TRPM6: variants seen among roughly 807,000 people sequenced by gnomAD.
TRPM6 encodes the protein transient receptor potential cation channel subfamily M member 6.
TRPM6 carries 111 observed loss-of-function variants against 247.6 expected under a neutral mutation model. The observed-to-expected ratio is 0.45, with a 90% CI of 0.38 to 0.52. The LOEUF (loss-of-function observed/expected upper bound fraction) is 0.52, where lower values mean the gene tolerates loss of function less well. TRPM6 is among the 20% of genes least tolerant of loss of function. TRPM6 has a pLI of 0.00. For missense variants in TRPM6, 2,126 were observed against 2,421.5 expected, an observed-to-expected ratio of 0.88 and a Z score of 2.56; for synonymous variants, 892 against 853.8, an observed-to-expected ratio of 1.04 and a Z score of -0.78.
At chr9:74,828,635 T>C (rs967787170) in intron 6 of TRPM6, among the ~76,000 whole-genome samples, 2 of 150,832 alleles carry the variant, frequency 1.3e-5, no homozygotes, top group East Asian at 1.9e-4. Context: ...TTCTTTCTTT[T>C]TTTTTTTTTT....
chr9:74,817,444 G>C (rs1251011128), intron 9 of TRPM6, among the ~76,000 whole-genome samples: 1 of 152,152 alleles, frequency 6.6e-6, no homozygotes, highest in Admixed American at 6.5e-5. Context: ...TCCGGTCTCA[G>C]CCTCCCAAAG....
chr9:74,798,226 T>C (rs141679590), intron 17 of TRPM6, among the ~76,000 whole-genome samples: 1 of 152,200 alleles, frequency 6.6e-6, no homozygotes, highest in East Asian at 1.9e-4. Flanking sequence ...GCATTCATTA[T>C]TAAGTATGGT....
At chr9:74,725,453 A>G (rs997688637) in intron 38 of TRPM6, among the ~76,000 whole-genome samples, 1 of 152,150 alleles carries the variant, frequency 6.6e-6, no homozygotes, top group Non-Finnish European at 1.5e-5. Context: ...ACATTTATTG[A>G]ACATGTAAAT....
chr9:74,726,827 CT>C (rs1825345132), intron 38 of TRPM6, among the ~76,000 whole-genome samples: 1 of 152,192 alleles, frequency 6.6e-6, no homozygotes, highest in African/African-American at 2.4e-5. Flanking sequence ...GGGCCCTTAC[CT>C]GGAGGTCCTG....
intron 3 of TRPM6, among the ~76,000 whole-genome samples, chr9:74,849,777 A>T (rs1455616030): frequency 6.6e-6 from 1 of 152,236 alleles, no homozygotes; most frequent in Non-Finnish European, 1.5e-5. Flanking sequence ...GAGCAAAAGC[A>T]CTGGACCAGG....
rs117681688 is a variant in TRPM6 at position 74,839,577 on chromosome 9, C to A, written c.544+447G>T. Among the ~76,000 whole-genome samples the A allele has an allele frequency of 4.3e-4, 65 of 152,182 alleles. 1 individual carries two copies. In the South Asian group the frequency reaches 0.013, roughly 31 times the overall value. On this transcript the variant is annotated intron_variant, in intron 5 of 38. Transcript: ENST00000360774. ...CACACACTATGCACTTGCATGGATT[C>A]GATGTCCCTTCTAGCCTTGCTGTAG...
rs758269511 is a variant in TRPM6, at chr9:74,800,413, C to T, written c.2079G>A (p.Thr693=). 5 of 1,613,996 alleles carry T rather than the reference C, an allele frequency of 3.1e-6. No homozygotes were observed. Among genetic ancestry groups the T allele is most frequent in the Middle Eastern group, 1.6e-4 (1 of 6,062 alleles). The change falls in exon 17 of 39, where the codon ACG becomes ACA. Residue 693 remains threonine, a synonymous_variant. Coordinates refer to ENST00000360774, the MANE Select transcript of TRPM6 (RefSeq NM_017662.5). ...AFKQNERMAM[T]LLTYELRNWS... ...AGTTCCTGAGTTCATACGTCAACAG[C>T]GTCATGGCCATGCGCTCATTCTGCT... is the stretch of plus-strand genomic sequence containing the variant.
intron 38 of TRPM6, among the ~76,000 whole-genome samples, chr9:74,727,471 T>C (rs1017130399): frequency 6.6e-6 from 1 of 152,104 alleles, no homozygotes; most frequent in Non-Finnish European, 1.5e-5. Flanking sequence ...TGGTGCTCTT[T>C]TACTGACTTC....
In TRPM6 at chr9:74,782,409, G is replaced by A. The variant is rs1827495294; in HGVS notation, c.3162C>T (p.Leu1054=). The A allele has an allele frequency of 6.2e-7, 1 of 1,613,980 alleles. No individual in the cohort carries two copies. Among genetic ancestry groups the A allele is most frequent in the African/African-American group, 1.3e-5 (1 of 74,890 alleles). ...FLTPFLQAVY[L]FVQYIIMVNL... ...TCACCATGATGATATATTGCACGAA[G>A]AGGTAGACAGCTTGCAAGAATGGAG... The change falls in exon 23 of 39, where the codon CTC becomes CTT. Residue 1054 remains leucine (L), a synonymous_variant. Transcript: ENST00000360774.
intron 1 of TRPM6, among the ~76,000 whole-genome samples, chr9:74,876,122 C>T (rs1443127948): frequency 1.3e-5 from 2 of 152,118 alleles, no homozygotes; most frequent in East Asian, 3.9e-4. Context: ...TCGCTCTTGT[C>T]GCCCAGGCTG....
At chr9:74,768,768 G>A (rs571133329) in intron 25 of TRPM6, among the ~76,000 whole-genome samples, 64 of 152,192 alleles carry the variant, frequency 4.2e-4, no homozygotes, top group African/African-American at 1.5e-3. Context: ...AATGGTCTTC[G>A]TGGTTCTTAT....
intron 7 of TRPM6, among the ~76,000 whole-genome samples, chr9:74,823,606 A>C (rs1312289219): frequency 6.6e-6 from 1 of 152,182 alleles, no homozygotes; most frequent in Non-Finnish European, 1.5e-5. Context: ...AAGCATATCT[A>C]TGATGTACCA....
chr9:74,784,461 T>TA (rs1409715024), intron 21 of TRPM6, among the ~76,000 whole-genome samples: 1 of 152,160 alleles, frequency 6.6e-6, no homozygotes, highest in African/African-American at 2.4e-5. Flanking sequence ...CTAAAGTTGT[T>TA]ACTAAGATTA....
In TRPM6 at chr9:74,871,285, A is replaced by C. The variant is rs959096849; in HGVS notation, c.34-12537T>G. ...TCCCACCCCTGTTCCCCAGCCATCC[A>C]GTTTCCCTCTCAAAAGTTAACCTCT... is the stretch of plus-strand genomic sequence containing the variant. On this transcript the variant is annotated intron_variant, in intron 1 of 38. Coordinates refer to ENST00000360774, the MANE Select transcript of TRPM6 (RefSeq NM_017662.5). 2.6e-5 allele frequency among the ~76,000 whole-genome samples: 4 copies of C among 152,274 alleles called. No homozygotes were observed. The South Asian group carries it at 8.3e-4, about 32-fold the overall frequency.
chr9:74,767,860 T>C (rs112905625), intron 25 of TRPM6, among the ~76,000 whole-genome samples: 214 of 152,230 alleles, frequency 1.4e-3, no homozygotes, highest in South Asian at 3.5e-3. Context: ...CCTGTAGTCC[T>C]AGCTACTTGT....
At chr9:74,795,492 C>T (rs73532477) in intron 18 of TRPM6, among the ~76,000 whole-genome samples, 3,363 of 152,244 alleles carry the variant, frequency 0.022, 110 homozygotes, top group African/African-American at 0.076. Context: ...ATACCACTTG[C>T]GATGCTTTAC....
intron 8 of TRPM6, among the ~76,000 whole-genome samples, chr9:74,821,284 T>C (rs1203937862): frequency 1.3e-5 from 2 of 152,300 alleles, no homozygotes; most frequent in East Asian, 3.9e-4. Flanking sequence ...TCCCAATTTC[T>C]GCTATTTCCA....
At chr9:74,757,350 C>T (rs1457351321) in intron 27 of TRPM6, among the ~76,000 whole-genome samples, 4 of 149,214 alleles carry the variant, frequency 2.7e-5, no homozygotes, top group Non-Finnish European at 4.5e-5. Flanking sequence ...GAGGCTGAGG[C>T]AGGCGGATCA....
In TRPM6 at chr9:74,821,730, C is replaced by A; in HGVS notation, c.949G>T (p.Glu317Ter). The A allele has an allele frequency of 6.2e-7, 1 of 1,614,236 alleles. No individual in the cohort carries two copies. The highest frequency in any genetic ancestry group is 1.1e-5 in the South Asian group (1 of 91,082). The change falls in exon 8 of 39, where the codon GAG (glutamate) becomes TAG (stop). Residue 317 changes from glutamate to a stop codon, truncating the protein, a stop_gained. Coordinates refer to ENST00000360774, the MANE Select transcript of TRPM6 (RefSeq NM_017662.5). LOFTEE classifies it high-confidence loss of function. Reference sequence around the variant, plus strand: ...AGGTCAGCCGCCCTACCTGTGCCCTCACACACCACCACTGGGTCCTTGTCC... The same window carrying A: ...AGGTCAGCCGCCCTACCTGTGCCCTAACACACCACCACTGGGTCCTTGTCC... ...VKDKDPVVVC[E>*]GTGRAADLLA...
Sources: gnomAD v4.1 joint callset for allele counts (sites outside exome capture counted in the v4.1 genomes callset) on GRCh38, gnomAD v4.1.1 for gene constraint, MANE v1.5 for transcripts, NCBI Gene and HGNC (gene_info 2026-07-23, HGNC 2026-07-21) for gene names.